The following FSTL5 variants were observed in gnomAD, a reference collection of about 807,000 sequenced individuals.
FSTL5 encodes the protein follistatin like 5, also known as follistatin-related protein 5.
A neutral mutation model predicts 89.1 loss-of-function variants in FSTL5; 62 were observed. The observed-to-expected ratio is 0.70, with a 90% CI of 0.57 to 0.86. FSTL5 has a LOEUF of 0.86. Among genes scored for constraint, FSTL5 ranks in the 40% least tolerant of loss-of-function variants. The probability of loss-of-function intolerance (pLI) is 0.00; values close to 1 mark genes in which losing one functional copy is unlikely to be tolerated. For missense variants in FSTL5, 1,057 were observed against 1,001.6 expected (o/e 1.06, Z -0.75); for synonymous variants, 383 against 346.2 (o/e 1.11, Z -1.18).
At chr4:161,873,679 T>A (rs2126902753) in intron 4 of FSTL5, among the ~76,000 whole-genome samples, 1 of 150,746 alleles carries the variant, frequency 6.6e-6, no homozygotes, top group East Asian at 1.9e-4. Flanking sequence ...ATTTCCTATA[T>A]TTTGAAGCAC....
chr4:162,001,200 A>C (rs1736452938), intron 3 of FSTL5, among the ~76,000 whole-genome samples: 1 of 152,202 alleles, frequency 6.6e-6, no homozygotes, highest in African/African-American at 2.4e-5. Flanking sequence ...CAGCAACTGA[A>C]TATTGTCTCT....
chr4:161,632,670 G>GT (rs538616541), intron 7 of FSTL5, among the ~76,000 whole-genome samples: 1 of 152,170 alleles, frequency 6.6e-6, no homozygotes, highest in African/African-American at 2.4e-5. Context: ...AAAAGAAAGA[G>GT]TTTTTTATTG....
intron 6 of FSTL5, among the ~76,000 whole-genome samples, chr4:161,728,802 G>A (rs2126760028): frequency 6.6e-6 from 1 of 152,238 alleles, no homozygotes; most frequent in South Asian, 2.1e-4. Flanking sequence ...GGTACATCAT[G>A]TCCTTTCAGA....
chr4:162,038,309 T>C (rs1737816061), intron 2 of FSTL5, among the ~76,000 whole-genome samples: 3 of 151,872 alleles, frequency 2.0e-5, no homozygotes, highest in Admixed American at 2.0e-4. Flanking sequence ...GCATACTTCA[T>C]GAAATCCAGT....
chr4:161,898,144 T>C (rs990822040), intron 4 of FSTL5, among the ~76,000 whole-genome samples: 1 of 148,422 alleles, frequency 6.7e-6, no homozygotes, highest in Non-Finnish European at 1.5e-5. Context: ...GTTAAATATA[T>C]TCAATATACC....
intron 4 of FSTL5, among the ~76,000 whole-genome samples, chr4:161,882,810 G>A (rs965496339): frequency 2.6e-5 from 4 of 152,048 alleles, no homozygotes; most frequent in Non-Finnish European, 4.4e-5. Flanking sequence ...TCCAGCTGAG[G>A]AAAGAACCAC....
intron 6 of FSTL5, among the ~76,000 whole-genome samples, chr4:161,752,354 A>C (rs2126783061): frequency 6.6e-6 from 1 of 152,272 alleles, no homozygotes; most frequent in Non-Finnish European, 1.5e-5. Context: ...CCATCATATT[A>C]ATTCTAAAAT....
At chr4:162,010,463 C>T (rs1256621105) in intron 3 of FSTL5, among the ~76,000 whole-genome samples, 3 of 152,124 alleles carry the variant, frequency 2.0e-5, no homozygotes, top group Non-Finnish European at 2.9e-5. Flanking sequence ...ATAATCCACA[C>T]ACCATGTAGT....
chr4:162,079,849 A>C (rs28564681), intron 2 of FSTL5, among the ~76,000 whole-genome samples: 102 of 151,638 alleles, frequency 6.7e-4, no homozygotes, highest in African/African-American at 2.4e-3. Flanking sequence ...TAATGCTAGA[A>C]TGTGGGATGA....
At chr4:161,945,457 T>C (rs533397190) in intron 3 of FSTL5, among the ~76,000 whole-genome samples, 2 of 152,158 alleles carry the variant, frequency 1.3e-5, no homozygotes, top group East Asian at 3.9e-4. Flanking sequence ...TGTGATCACA[T>C]AAAATTAATT....
intron 4 of FSTL5, among the ~76,000 whole-genome samples, chr4:161,890,632 G>A (rs962554474): frequency 6.9e-6 from 1 of 145,768 alleles, no homozygotes; most frequent in Non-Finnish European, 1.5e-5. Context: ...AGGTTACAGT[G>A]AGCCGAGATT....
intron 6 of FSTL5, among the ~76,000 whole-genome samples, chr4:161,687,759 T>G (rs1419022862): frequency 2.0e-5 from 3 of 152,192 alleles, no homozygotes. Flanking sequence ...ACACCTTGCT[T>G]ATGTGCAAGG....
At chr4:162,128,471 C>A (rs1017294197) in intron 1 of FSTL5, among the ~76,000 whole-genome samples, 3 of 152,194 alleles carry the variant, frequency 2.0e-5, no homozygotes, top group Non-Finnish European at 4.4e-5. Context: ...GCCCCTTCCA[C>A]CATGTGAGTA....
At chr4:161,642,372 G>T (rs944674024) in intron 7 of FSTL5, among the ~76,000 whole-genome samples, 1 of 152,014 alleles carries the variant, frequency 6.6e-6, no homozygotes, top group South Asian at 2.1e-4. Flanking sequence ...AAATGGAAAT[G>T]AATTAAATAT....
chr4:162,115,836 ATT>A (rs964239093), intron 1 of FSTL5, among the ~76,000 whole-genome samples: 1 of 152,036 alleles, frequency 6.6e-6, no homozygotes, highest in African/African-American at 2.4e-5. Context: ...TGGGGGTAGG[ATT>A]TAGAGTAATT....
At chr4:161,755,292 CTT>C (rs1560827342) in intron 6 of FSTL5, among the ~76,000 whole-genome samples, 4 of 151,828 alleles carry the variant, frequency 2.6e-5, no homozygotes, top group African/African-American at 7.3e-5. Context: ...ATTAAAATAA[CTT>C]ATCTAATCCA....
chr4:161,826,735 G>T (rs564452189), intron 4 of FSTL5, among the ~76,000 whole-genome samples: 2 of 152,124 alleles, frequency 1.3e-5, no homozygotes, highest in Non-Finnish European at 2.9e-5. Context: ...GTGTCCATCT[G>T]CATAGACTAT....
At chr4:162,150,295 T>C (rs759779122) in intron 1 of FSTL5, among the ~76,000 whole-genome samples, 1 of 152,154 alleles carries the variant, frequency 6.6e-6, no homozygotes, top group Non-Finnish European at 1.5e-5. Flanking sequence ...TTGGAGCCTT[T>C]TGAGCCAGAG....
Position 161,942,029 on chromosome 4 carries a change from C to A in FSTL5, c.161-21377G>T, listed in dbSNP as rs190478433. On this transcript the variant is annotated intron_variant, in intron 3 of 15. Transcript: ENST00000306100. ...AAATGTAGGAATTTAACAACATATT[C>A]TTAAACAATCATGGCTAAAAGAAGA... Among the ~76,000 whole-genome samples, 14 of 151,890 alleles carry A rather than the reference C, an allele frequency of 9.2e-5. No homozygotes were observed. The East Asian group carries it at 1.9e-3, about 21-fold the overall frequency.
Sources: allele counts gnomAD v4.1 joint callset (sites outside exome capture counted in the v4.1 genomes callset), GRCh38; gene constraint gnomAD v4.1.1; transcripts MANE v1.5; gene names NCBI Gene and HGNC (gene_info 2026-07-23, HGNC 2026-07-21).